SVEP1: variants seen among roughly 807,000 people sequenced by gnomAD.
SVEP1 encodes sushi, von Willebrand factor type A, EGF and pentraxin domain containing 1, also known as sushi, von Willebrand factor type A, EGF and pentraxin domain-containing protein 1.
A neutral mutation model predicts 367.3 loss-of-function variants in SVEP1; 164 were observed. That is an observed-to-expected ratio of 0.45 (90% CI 0.39 to 0.51). SVEP1 has a LOEUF of 0.51. SVEP1 is among the 20% of genes least tolerant of loss of function. The pLI, the probability that SVEP1 is intolerant of heterozygous loss-of-function variation, is 0.00. For missense variants in SVEP1, 4,117 were observed against 4,425.3 expected (o/e 0.93, Z 1.98); for synonymous variants, 1,666 against 1,611.6 (o/e 1.03, Z -0.81).
At chr9:110,563,789 G>T (rs1830457213) in intron 1 of SVEP1, among the ~76,000 whole-genome samples, 1 of 152,066 alleles carries the variant, frequency 6.6e-6, no homozygotes, top group African/African-American at 2.4e-5. Context: ...ACACAGTATG[G>T]TGTCTCCACT....
At chr9:110,548,954 C>CTTTA (rs1412695102) in intron 2 of SVEP1, among the ~76,000 whole-genome samples, 1 of 152,134 alleles carries the variant, frequency 6.6e-6, no homozygotes, top group Non-Finnish European at 1.5e-5. Flanking sequence ...GAGACACCAT[C>CTTTA]TTTATTTATT....
chr9:110,377,120 G>C, intron 45 of SVEP1, 151 bp downstream of exon 45: 1 of 522,056 alleles, frequency 1.9e-6, no homozygotes, highest in Non-Finnish European at 3.3e-6. Context: ...TCTGCAACCT[G>C]TTGACACATA....
intron 8 of SVEP1, among the ~76,000 whole-genome samples, chr9:110,490,791 T>A (rs999494972): frequency 1.1e-4 from 16 of 152,076 alleles, no homozygotes; most frequent in African/African-American, 3.6e-4. Context: ...TGGCACCAGG[T>A]CATTGTTTTA....
intron 40 of SVEP1, among the ~76,000 whole-genome samples, chr9:110,390,062 T>C (rs1367554944): frequency 6.1e-4 from 86 of 141,552 alleles, no homozygotes; most frequent in South Asian, 1.5e-3. Flanking sequence ...CGTATATATA[T>C]AAGTATATAT....
intron 3 of SVEP1, among the ~76,000 whole-genome samples, chr9:110,514,970 G>A (rs544488071): frequency 6.6e-6 from 1 of 152,220 alleles, no homozygotes; most frequent in South Asian, 2.1e-4. Context: ...TAATCCAACC[G>A]ACAGGAACTA....
At chr9:110,432,250 TATAA>T (rs1828361855) in intron 31 of SVEP1, among the ~76,000 whole-genome samples, 1 of 152,220 alleles carries the variant, frequency 6.6e-6, no homozygotes, top group South Asian at 2.1e-4. Flanking sequence ...GACAGGGATA[TATAA>T]ATATAGTCTT....
At chr9:110,394,975 G>A (rs923405267) in intron 40 of SVEP1, among the ~76,000 whole-genome samples, 7 of 152,290 alleles carry the variant, frequency 4.6e-5, no homozygotes, top group Non-Finnish European at 1.0e-4. Flanking sequence ...AGGCAGGCCA[G>A]CATTCAAATT....
At chr9:110,555,303 C>T (rs1006827943) in intron 1 of SVEP1, among the ~76,000 whole-genome samples, 1 of 151,612 alleles carries the variant, frequency 6.6e-6, no homozygotes, top group East Asian at 1.9e-4. Flanking sequence ...ATAACTATTT[C>T]TTCAATGAAT....
At position 110,578,993 on chromosome 9, in the gene SVEP1, G is replaced by A; in HGVS notation, c.531+20C>T. On this transcript the variant is annotated intron_variant, in intron 1 of 47. Transcript: ENST00000374469. ...GGGCCCGGGGACTAGGGCCCGGGTC[G>A]GGAGGGGCGGGCGCCTTACCGCGGC... is the stretch of plus-strand genomic sequence containing the variant. The A allele has an allele frequency of 6.6e-7, 1 of 1,510,638 alleles. No individual in the cohort carries two copies. The highest frequency in any genetic ancestry group is 8.8e-7 in the Non-Finnish European group (1 of 1,131,174). The allele number at this position is 1,510,638 out of a possible 1,614,324, so 93.6% of individuals were successfully genotyped here.
chr9:110,512,181 G>A (rs1829728396), intron 5 of SVEP1, among the ~76,000 whole-genome samples: 1 of 152,114 alleles, frequency 6.6e-6, no homozygotes, highest in East Asian at 1.9e-4. Flanking sequence ...GTACTGAGAA[G>A]CTTTGTGGGC....
At chr9:110,437,797 C>T (rs1828453965) in intron 27 of SVEP1, among the ~76,000 whole-genome samples, 1 of 152,126 alleles carries the variant, frequency 6.6e-6, no homozygotes, top group African/African-American at 2.4e-5. Flanking sequence ...ACTTCTCACC[C>T]TTCCCTCAAG....
intron 3 of SVEP1, 25 bp from the exon 4 acceptor site, chr9:110,514,131 T>A: frequency 6.2e-7 from 1 of 1,600,670 alleles, no homozygotes; most frequent in Non-Finnish European, 8.5e-7. Context: ...GCCGGAGAAG[T>A]CCATGTTATG....
Position 110,429,189 on chromosome 9 carries a change from G to A in SVEP1, c.5761C>T (p.Leu1921Phe), listed in dbSNP as rs371565088. 1 of 1,599,378 alleles carries A rather than the reference G, an allele frequency of 6.3e-7. No individual in the cohort carries two copies. The highest frequency in any genetic ancestry group is 8.5e-7 in the Non-Finnish European group (1 of 1,172,366). Residue 1921 changes from leucine (L) to phenylalanine (F), a missense_variant, in exon 35 of 48, where the codon CTT becomes TTT. Coordinates refer to ENST00000374469, the MANE Select transcript of SVEP1 (RefSeq NM_153366.4). ...INNGKYILSG[L>F]TYLSTASYSC... ...TATGATGCAGTAGAAAGGTAGGTAA[G>A]CCCACTCAAAATATATTTTCCATTA...
At chr9:110,435,912 A>G (rs1465392671) in intron 28 of SVEP1, among the ~76,000 whole-genome samples, 1 of 152,096 alleles carries the variant, frequency 6.6e-6, no homozygotes, top group Non-Finnish European at 1.5e-5. Flanking sequence ...ACATGTTCAA[A>G]ATCATCACAG....
chr9:110,457,412 C>A, intron 20 of SVEP1, 60 bp from the exon 21 acceptor site: 7 of 1,349,864 alleles, frequency 5.2e-6, no homozygotes, highest in South Asian at 1.2e-5. Flanking sequence ...TCAAAGCAGT[C>A]CTGATTAGAG....
chr9:110,554,019 T>C (rs1830324404), intron 1 of SVEP1, among the ~76,000 whole-genome samples: 1 of 152,314 alleles, frequency 6.6e-6, no homozygotes, highest in African/African-American at 2.4e-5. Flanking sequence ...TAGAGACTAC[T>C]TTTACTTTTA....
chr9:110,434,564 A>C, intron 29 of SVEP1, 58 bp from the exon 30 acceptor site: 3 of 1,522,668 alleles, frequency 2.0e-6, no homozygotes, highest in Non-Finnish European at 2.7e-6. Context: ...AGCATCACCA[A>C]GTCAATGATT....
Position 110,471,605 on chromosome 9 carries a change from A to G in SVEP1, c.2765-8T>C. On this transcript the variant is annotated splice_region_variant and splice_polypyrimidine_tract_variant and intron_variant, in intron 15 of 47. Transcript: ENST00000374469. ...CGGGTAATGGCACACTAGCTGAGAT[A>G]AAAACAAAATAAAACACAACACAAA... 1 of 1,603,912 alleles carries G rather than the reference A, an allele frequency of 6.2e-7. No homozygotes were observed. The highest frequency in any genetic ancestry group is 1.1e-5 in the South Asian group (1 of 90,184).
chr9:110,428,429 C>CACACACACACACACACACA (rs60798857), intron 35 of SVEP1, among the ~76,000 whole-genome samples: 8 of 151,104 alleles, frequency 5.3e-5, no homozygotes, highest in Non-Finnish European at 7.4e-5. Flanking sequence ...CACACACACA[C>CACACACACACACACACACA]CATTAATCTC....
Sources: allele counts gnomAD v4.1 joint callset (sites outside exome capture counted in the v4.1 genomes callset), GRCh38; gene constraint gnomAD v4.1.1; transcripts MANE v1.5; gene names NCBI Gene and HGNC (gene_info 2026-07-23, HGNC 2026-07-21).